ST3GAL6: variants seen among roughly 807,000 people sequenced by gnomAD.
ST3GAL6 encodes the protein type 2 lactosamine alpha-2,3-sialyltransferase.
In ST3GAL6, 31 loss-of-function variants were observed where a neutral mutation model predicts 40.5. The ratio of observed to expected loss-of-function variants is 0.77; its 90% CI spans 0.58 to 1.03. The LOEUF (loss-of-function observed/expected upper bound fraction) is 1.03. Among genes scored for constraint, ST3GAL6 ranks in the 50% least tolerant of loss-of-function variants. ST3GAL6 has a pLI of 0.00. For missense variants in ST3GAL6, 357 were observed against 393.2 expected (o/e 0.91, Z 0.78); for synonymous variants, 129 against 136.9 (o/e 0.94, Z 0.40).
At chr3:98,749,421 G>A (rs1936815769) in intron 1 of ST3GAL6, among the ~76,000 whole-genome samples, 1 of 152,166 alleles carries the variant, frequency 6.6e-6, no homozygotes, top group Non-Finnish European at 1.5e-5. Context: ...GAGCAGGACA[G>A]TTTCAACACG....
chr3:98,766,405 CT>C (rs369996406), intron 1 of ST3GAL6, among the ~76,000 whole-genome samples: 869 of 103,230 alleles, frequency 8.4e-3, no homozygotes, highest in Middle Eastern at 0.011. Context: ...AAATGTCATT[CT>C]TTTTTTTTTT....
Position 98,763,413 on chromosome 3 carries a change from G to A in ST3GAL6, c.-38G>A. 7.8e-7 allele frequency: 1 copy of A among 1,289,808 alleles called. No homozygotes were observed. Among genetic ancestry groups the A allele is most frequent in the Non-Finnish European group, 1.0e-6 (1 of 988,872 alleles). The allele number at this position is 1,289,808 out of a possible 1,614,324, so 79.9% of individuals were successfully genotyped here. A position where few individuals can be genotyped will look rare whatever the true frequency, so the allele number is the denominator to read the frequency against. ...AGGGGCTGAATGGACACAGGTGTCAGCAGGGCCACCTGGTAAAGGTATGGA... is the reference window on the plus strand; with the variant it reads ...AGGGGCTGAATGGACACAGGTGTCAACAGGGCCACCTGGTAAAGGTATGGA... On this transcript the variant is annotated 5_prime_UTR_variant, in exon 1 of 10. Coordinates refer to ENST00000483910, the MANE Select transcript of ST3GAL6 (RefSeq NM_001323368.2).
chr3:98,736,262 A>T (rs1172903885), intron 1 of ST3GAL6, among the ~76,000 whole-genome samples: 1 of 152,126 alleles, frequency 6.6e-6, no homozygotes, highest in Non-Finnish European at 1.5e-5. Context: ...CTTCTCCCCC[A>T]TTCTCTCTTT....
chr3:98,750,656 C>G (rs771414816), intron 1 of ST3GAL6, among the ~76,000 whole-genome samples: 2 of 151,622 alleles, frequency 1.3e-5, no homozygotes, highest in African/African-American at 4.9e-5. Context: ...AGCAACTTAA[C>G]AGGATGCTCA....
intron 3 of ST3GAL6, among the ~76,000 whole-genome samples, chr3:98,772,032 A>G (rs1431557822): frequency 2.0e-5 from 3 of 152,218 alleles, no homozygotes; most frequent in Non-Finnish European, 2.9e-5. Flanking sequence ...CGGGTTGCAG[A>G]CCACAGGTTA....
At chr3:98,786,509 G>C (rs148690900) in intron 6 of ST3GAL6, among the ~76,000 whole-genome samples, 17 of 152,224 alleles carry the variant, frequency 1.1e-4, no homozygotes, top group Middle Eastern at 3.4e-3. Flanking sequence ...ATAAAAGCAG[G>C]CTTAGAGGCG....
At chr3:98,743,047 C>T (rs910421270) in intron 1 of ST3GAL6, among the ~76,000 whole-genome samples, 20 of 133,164 alleles carry the variant, frequency 1.5e-4, no homozygotes, top group Admixed American at 2.6e-4. Flanking sequence ...CTTGCTCTGT[C>T]GCCCAGGCTG....
intron 5 of ST3GAL6, among the ~76,000 whole-genome samples, chr3:98,778,700 A>G (rs1456807018): frequency 6.6e-6 from 1 of 152,330 alleles, no homozygotes; most frequent in Middle Eastern, 3.4e-3. Flanking sequence ...AAAAGAGCAA[A>G]CCGAGATCAG....
At chr3:98,759,332 GAGA>G (rs1244911145), upstream of ST3GAL6, among the ~76,000 whole-genome samples, 14 of 152,200 alleles carry the variant, frequency 9.2e-5, no homozygotes, top group Non-Finnish European at 2.1e-4. Flanking sequence ...AACACAGGCA[GAGA>G]AGTAGAGGAG....
At chr3:98,762,577 T>C (rs1937909471), upstream of ST3GAL6, 1 of 223,662 alleles carries the variant, frequency 4.5e-6, no homozygotes, top group East Asian at 1.8e-4. Flanking sequence ...AGGATTTCTC[T>C]CTTTAATTAT....
intron 2 of ST3GAL6, 136 bp downstream of exon 2, chr3:98,768,665 T>C: frequency 1.5e-6 from 1 of 665,480 alleles, no homozygotes; most frequent in South Asian, 1.9e-5. Context: ...TAAATTGGGG[T>C]TTTACCATTC....
At chr3:98,786,169 G>A (rs1469828093) in intron 6 of ST3GAL6, among the ~76,000 whole-genome samples, 3 of 152,108 alleles carry the variant, frequency 2.0e-5, no homozygotes, top group Non-Finnish European at 4.4e-5. Context: ...TCTTGATGGT[G>A]TGTGGCCTAT....
chr3:98,774,824 C>A (rs1274879117), intron 5 of ST3GAL6, among the ~76,000 whole-genome samples: 1 of 152,210 alleles, frequency 6.6e-6, no homozygotes, highest in Non-Finnish European at 1.5e-5. Context: ...AGGTTTATCT[C>A]ATTTTTCTCT....
At chr3:98,786,227 T>C (rs1479731672) in intron 6 of ST3GAL6, among the ~76,000 whole-genome samples, 4 of 151,136 alleles carry the variant, frequency 2.6e-5, no homozygotes, top group Admixed American at 1.3e-4. Context: ...AAGGAGAGAC[T>C]GAGAGAGAGA....
intron 3 of ST3GAL6, 136 bp downstream of exon 3, chr3:98,771,092 G>A (rs558168189): frequency 1.3e-6 from 2 of 1,502,670 alleles, no homozygotes; most frequent in Non-Finnish European, 8.9e-7. Flanking sequence ...GGAAGAGCTT[G>A]AATATCCTGT....
intron 1 of ST3GAL6, among the ~76,000 whole-genome samples, chr3:98,766,405 CTTTTTTTTTTT>C (rs369996406): frequency 7.4e-4 from 77 of 104,110 alleles, no homozygotes; most frequent in African/African-American, 2.9e-3. Context: ...AAATGTCATT[CTTTTTTTTTTT>C]TTTTTTTTTT....
rs539312335 is a variant in ST3GAL6, at chr3:98,782,661, A to T, written c.336-2284A>T. ...TCTGAAAACATCTCCAACTTCAACA[A>T]TACTTTGAGATACCATATTGCTGGT... On this transcript the variant is annotated intron_variant, in intron 5 of 9. Coordinates refer to ENST00000483910, the MANE Select transcript of ST3GAL6 (RefSeq NM_001323368.2). 450 of 444,570 alleles carry T rather than the reference A, an allele frequency of 1.0e-3. 3 individuals are homozygous for T. Among genetic ancestry groups the T allele is most frequent in the African/African-American group, 8.3e-3 (409 of 49,388 alleles). 27.5% of individuals were successfully genotyped at this position (444,570 alleles called of 1,614,324 possible).
intron 5 of ST3GAL6, among the ~76,000 whole-genome samples, chr3:98,777,021 A>G (rs1458929403): frequency 6.6e-6 from 1 of 152,216 alleles, no homozygotes; most frequent in Non-Finnish European, 1.5e-5. Flanking sequence ...TTCTGTGAGC[A>G]TCAGGGACCA....
chr3:98,757,719 A>T (rs1937519055), intron 1 of ST3GAL6, among the ~76,000 whole-genome samples: 1 of 152,168 alleles, frequency 6.6e-6, no homozygotes, highest in Non-Finnish European at 1.5e-5. Context: ...TATCTGTATG[A>T]TAGGGATGAC....
Sources: gnomAD v4.1 joint callset for allele counts (sites outside exome capture counted in the v4.1 genomes callset) on GRCh38, gnomAD v4.1.1 for gene constraint, MANE v1.5 for transcripts, NCBI Gene and HGNC (gene_info 2026-07-23, HGNC 2026-07-21) for gene names.